The following LHFPL2 variants were observed in gnomAD, a reference collection of about 807,000 sequenced individuals.
LHFPL2 encodes LHFPL tetraspan subfamily member 2, also known as LHFPL tetraspan subfamily member 2 protein.
A neutral mutation model predicts 17.5 loss-of-function variants in LHFPL2; 7 were observed. The ratio of observed to expected loss-of-function variants is 0.40; its 90% CI spans 0.23 to 0.75. The LOEUF is 0.75. Ranked by LOEUF, LHFPL2 falls within the 30% of genes least tolerant of loss-of-function variation. LHFPL2 has a pLI of 0.37. For missense variants in LHFPL2, 241 were observed against 294.8 expected (o/e 0.82, Z 1.34); for synonymous variants, 134 against 116.2 (o/e 1.15, Z -0.99).
At chr5:78,502,194 G>T (rs1243882704) in intron 4 of LHFPL2, among the ~76,000 whole-genome samples, 1 of 152,150 alleles carries the variant, frequency 6.6e-6, no homozygotes, top group Non-Finnish European at 1.5e-5. Context: ...GTCATAAAAA[G>T]ATCTTACAAC....
chr5:78,489,927 G>T (rs927291395), intron 4 of LHFPL2, among the ~76,000 whole-genome samples: 43 of 152,286 alleles, frequency 2.8e-4, no homozygotes, highest in Middle Eastern at 3.4e-3. Context: ...CCTGGTCTAA[G>T]GAAATTCACA....
chr5:78,567,999 T>C (rs1054155026), intron 2 of LHFPL2, among the ~76,000 whole-genome samples: 3 of 70,456 alleles, frequency 4.3e-5, no homozygotes. Context: ...GTGTAAAGAG[T>C]GTGTTTCCTC....
chr5:78,618,278 A>C (rs528875940), intron 2 of LHFPL2, among the ~76,000 whole-genome samples: 5 of 152,310 alleles, frequency 3.3e-5, no homozygotes, highest in African/African-American at 1.2e-4. Context: ...TTTTTATAAG[A>C]GCACCAGATG....
chr5:78,565,813 C>T (rs1756844622), intron 2 of LHFPL2, among the ~76,000 whole-genome samples: 1 of 152,220 alleles, frequency 6.6e-6, no homozygotes, highest in Non-Finnish European at 1.5e-5. Flanking sequence ...AGAATCTCTT[C>T]CACTCTACAA....
At chr5:78,533,964 A>G (rs972485191) in intron 3 of LHFPL2, among the ~76,000 whole-genome samples, 3 of 152,234 alleles carry the variant, frequency 2.0e-5, no homozygotes, top group African/African-American at 7.2e-5. Flanking sequence ...AGAGATGCCA[A>G]ATGCTCCAGG....
chr5:78,633,878 A>C (rs529536402), intron 1 of LHFPL2, among the ~76,000 whole-genome samples: 1 of 152,270 alleles, frequency 6.6e-6, no homozygotes, highest in African/African-American at 2.4e-5. Flanking sequence ...TTCTCCTCCC[A>C]CCTAGATACA....
At chr5:78,637,962 CAA>C (rs1225534031) in intron 1 of LHFPL2, among the ~76,000 whole-genome samples, 73 of 152,190 alleles carry the variant, frequency 4.8e-4, no homozygotes, top group Admixed American at 2.0e-4. Context: ...ACTGTTCACT[CAA>C]GTCTTGTCAG....
intron 3 of LHFPL2, among the ~76,000 whole-genome samples, chr5:78,532,441 G>A (rs1268612270): frequency 6.6e-6 from 1 of 152,052 alleles, no homozygotes; most frequent in Non-Finnish European, 1.5e-5. Flanking sequence ...CAGCCATGGG[G>A]GACTTAGGGA....
chr5:78,486,054 A>ATCTT lies in LHFPL2; in HGVS notation c.*2839_*2842dup, dbSNP rs1754228736. 6.6e-6 allele frequency: 1 copy of ATCTT among 152,652 alleles called. No individual in the cohort carries two copies. The highest frequency in any genetic ancestry group is 1.5e-5 in the Non-Finnish European group (1 of 68,034). 9.5% of individuals were successfully genotyped at this position (152,652 alleles called of 1,614,324 possible). A position where few individuals can be genotyped will look rare whatever the true frequency, so the allele number is the denominator to read the frequency against. On this transcript the variant is annotated 3_prime_UTR_variant, in exon 5 of 5. Transcript: ENST00000380345. Reference sequence around the variant, plus strand: ...CATACATACACCTTTGTTATTGCACATCTTTCACACAAACTTGTGTATGTA... The same window carrying ATCTT: ...CATACATACACCTTTGTTATTGCACATCTTTCTTTCACACAAACTTGTGTATGTA...
intron 3 of LHFPL2, among the ~76,000 whole-genome samples, chr5:78,536,045 A>G (rs1755941674): frequency 6.6e-6 from 1 of 152,174 alleles, no homozygotes; most frequent in African/African-American, 2.4e-5. Context: ...ACCACCAGTC[A>G]CAGCTTCCAT....
chr5:78,573,339 A>T (rs1757051246), intron 2 of LHFPL2, among the ~76,000 whole-genome samples: 2 of 152,202 alleles, frequency 1.3e-5, no homozygotes, highest in African/African-American at 4.8e-5. Context: ...CTTAAATGTA[A>T]AGGTCCAATT....
chr5:78,516,103 T>C (rs1755282910), intron 3 of LHFPL2, among the ~76,000 whole-genome samples: 1 of 152,162 alleles, frequency 6.6e-6, no homozygotes, highest in South Asian at 2.1e-4. Context: ...TACAGGACTT[T>C]GCATGACTTA....
intron 2 of LHFPL2, among the ~76,000 whole-genome samples, chr5:78,583,510 T>C (rs62378362): frequency 0.38 from 55,424 of 147,464 alleles, 10,802 homozygotes; most frequent in Middle Eastern, 0.47. Flanking sequence ...TTTGCTTGTC[T>C]GTAAAGTATT....
At chr5:78,532,171 G>A (rs1211303253) in intron 3 of LHFPL2, among the ~76,000 whole-genome samples, 1 of 152,038 alleles carries the variant, frequency 6.6e-6, no homozygotes, top group African/African-American at 2.4e-5. Context: ...TGATCCACCC[G>A]GCTCAGCCTC....
intron 2 of LHFPL2, among the ~76,000 whole-genome samples, chr5:78,599,710 T>C (rs985657281): frequency 1.2e-4 from 19 of 152,144 alleles, no homozygotes; most frequent in African/African-American, 4.6e-4. Context: ...ACATAAAGGC[T>C]TGCTGCCTAG....
intron 1 of LHFPL2, among the ~76,000 whole-genome samples, chr5:78,636,920 C>T (rs1384508523): frequency 6.6e-6 from 1 of 151,952 alleles, no homozygotes; most frequent in African/African-American, 2.4e-5. Context: ...TCCAATGGGA[C>T]AGAAGACAGC....
At chr5:78,568,816 T>G (rs1756924173) in intron 2 of LHFPL2, among the ~76,000 whole-genome samples, 1 of 152,110 alleles carries the variant, frequency 6.6e-6, no homozygotes, top group Non-Finnish European at 1.5e-5. Context: ...GAATGGGAGC[T>G]TCATGGCAGA....
At chr5:78,559,550 T>G (rs931608220) in intron 3 of LHFPL2, among the ~76,000 whole-genome samples, 1 of 152,208 alleles carries the variant, frequency 6.6e-6, no homozygotes, top group African/African-American at 2.4e-5. Flanking sequence ...GTAACAAAAT[T>G]AGAAAATGAC....
chr5:78,581,583 G>A lies in LHFPL2; in HGVS notation c.-244-16712C>T, dbSNP rs544510649. Among the ~76,000 whole-genome samples, 514 of 152,224 alleles carry A rather than the reference G, an allele frequency of 3.4e-3. 4 individuals carry two copies. The highest frequency in any genetic ancestry group is 0.012 in the African/African-American group (498 of 41,526). ...TTGTCTTTGGTTCTGTTTATATGCT[G>A]GATTACATTTATTGATTTGCGTATA... On this transcript the variant is annotated intron_variant, in intron 2 of 4. Transcript: ENST00000380345.
Sources: gnomAD v4.1 joint callset for allele counts (sites outside exome capture counted in the v4.1 genomes callset) on GRCh38, gnomAD v4.1.1 for gene constraint, MANE v1.5 for transcripts, NCBI Gene and HGNC (gene_info 2026-07-23, HGNC 2026-07-21) for gene names.